The following GET1 variants were observed in gnomAD, a reference collection of about 807,000 sequenced individuals.
The protein encoded by GET1 is guided entry of tail-anchored proteins factor 1.
In GET1, 20 loss-of-function variants were observed where a neutral mutation model predicts 22.6. The ratio of observed to expected loss-of-function variants is 0.89; its 90% CI spans 0.62 to 1.29. GET1 has a LOEUF of 1.29. Among genes scored for constraint, GET1 ranks in the 50% most tolerant of loss-of-function variants. The probability of loss-of-function intolerance (pLI) is 0.00; values close to 1 mark genes in which losing one functional copy is unlikely to be tolerated. For missense variants in GET1, 209 were observed against 219.9 expected (o/e 0.95, Z 0.31); for synonymous variants, 92 against 83.8 (o/e 1.10, Z -0.53).
chr21:39,423,113 G>A, intron 1 of GET1: 1 of 1,613,776 alleles, frequency 6.2e-7, no homozygotes, highest in Non-Finnish European at 8.5e-7. Flanking sequence ...TTCAGTAACT[G>A]GCTGTCAGTT....
chr21:39,424,751 T>C (rs1446641300), intron 1 of GET1, among the ~76,000 whole-genome samples: 1 of 152,226 alleles, frequency 6.6e-6, no homozygotes, highest in Admixed American at 6.5e-5. Context: ...AGTTAATTTT[T>C]CCTGTTACTT....
chr21:39,401,175 AAGT>A (rs1302450264), downstream of GET1, among the ~76,000 whole-genome samples: 6 of 152,002 alleles, frequency 3.9e-5, no homozygotes, highest in Non-Finnish European at 8.8e-5. Context: ...TCAGCCTGCT[AAGT>A]AGGTGGGACA....
At chr21:39,424,505 A>G (rs919464585) in intron 1 of GET1, among the ~76,000 whole-genome samples, 3 of 152,178 alleles carry the variant, frequency 2.0e-5, no homozygotes, top group African/African-American at 7.2e-5. Context: ...CAACCCCATG[A>G]CAATAGCTGA....
At chr21:39,422,904 T>G in intron 1 of GET1, 1 of 1,372,822 alleles carries the variant, frequency 7.3e-7, no homozygotes, top group Admixed American at 2.0e-5. Context: ...AGGGGGCGCA[T>G]CCATGATTAA....
In GET1 at chr21:39,380,408, C is replaced by T. The variant is rs1373396390; in HGVS notation, c.24C>T (p.His8=). 1.2e-6 allele frequency: 2 copies of T among 1,611,338 alleles called. No homozygotes were observed. Among genetic ancestry groups the T allele is most frequent in the Non-Finnish European group, 1.7e-6 (2 of 1,178,710 alleles). MSSAAAD[H]WAWLLVLSFV... ...GGATGAGCTCAGCCGCGGCCGACCA[C>T]TGGGCGTGGTTGCTGGTGCTCAGCT... The change falls in exon 1 of 5, where the codon CAC becomes CAT. Residue 8 remains histidine (H), a synonymous_variant. Transcript: ENST00000649170.
intron 4 of GET1, among the ~76,000 whole-genome samples, chr21:39,396,660 TG>T (rs2038670506): frequency 7.8e-6 from 1 of 127,484 alleles, no homozygotes; most frequent in South Asian, 2.4e-4. Context: ...CACTCCAGCC[TG>T]GGGGACAGAG....
At chr21:39,405,024 G>C (rs2038970087) in intron 4 of GET1, among the ~76,000 whole-genome samples, 2 of 151,756 alleles carry the variant, frequency 1.3e-5, no homozygotes, top group African/African-American at 2.4e-5. Context: ...GTAGAGACAG[G>C]GTTTCACCAT....
intron 1 of GET1, among the ~76,000 whole-genome samples, chr21:39,420,083 A>G (rs1221253678): frequency 6.6e-6 from 1 of 152,246 alleles, no homozygotes; most frequent in Non-Finnish European, 1.5e-5. Context: ...AGGAATGCTA[A>G]CAAGAAGCCT....
At chr21:39,411,219 G>T, downstream of GET1, 1 of 250,150 alleles carries the variant, frequency 4.0e-6, no homozygotes, top group Non-Finnish European at 7.9e-6. Context: ...GTGAGGTAGG[G>T]GACTACTGAC....
At chr21:39,384,611 G>A (rs1014781904) in intron 1 of GET1, among the ~76,000 whole-genome samples, 2 of 150,744 alleles carry the variant, frequency 1.3e-5, no homozygotes, top group Non-Finnish European at 2.9e-5. Context: ...ACATGTGCGG[G>A]TTTGTTATAT....
chr21:39,397,917 T>A (rs930892833), downstream of GET1: 5 of 152,176 alleles, frequency 3.3e-5, no homozygotes, highest in African/African-American at 1.2e-4. Context: ...TTTGTACTCT[T>A]TTGTTTCCTA....
At position 39,393,625 on chromosome 21, in the gene GET1, G is replaced by A. The variant is rs569052526; in HGVS notation, c.451+345G>A. 4.9e-4 allele frequency among the ~76,000 whole-genome samples: 74 copies of A among 152,206 alleles called. No homozygotes were observed. In the Middle Eastern group the frequency reaches 0.01, roughly 21 times the overall value. ...CCCTATTATGGTTGGCTTCTCTGTA[G>A]CACTTGCTGCTCCTGGCTATTCTTT... On this transcript the variant is annotated intron_variant, in intron 4 of 4. Coordinates refer to ENST00000649170, the MANE Select transcript of GET1 (RefSeq NM_004627.6).
intron 1 of GET1, among the ~76,000 whole-genome samples, chr21:39,390,474 G>A (rs1366671974): frequency 1.3e-5 from 2 of 152,282 alleles, no homozygotes; most frequent in African/African-American, 2.4e-5. Context: ...GTTTGTAGGT[G>A]TTTCTCAGCA....
chr21:39,421,364 G>C (rs1481614738), intron 1 of GET1, among the ~76,000 whole-genome samples: 4 of 152,136 alleles, frequency 2.6e-5, no homozygotes, highest in East Asian at 1.9e-4. Context: ...CTGGTATTAC[G>C]GGCGAGAGGC....
Position 39,391,841 on chromosome 21 carries a change from G to A in GET1, c.336+5G>A. 1 of 1,614,130 alleles carries A rather than the reference G, an allele frequency of 6.2e-7. No individual in the cohort carries two copies. On this transcript the variant is annotated splice_donor_5th_base_variant and intron_variant, in intron 3 of 4. Transcript: ENST00000649170. ...GTCGCTTTCTACGTATTGCAGGTAA[G>A]TGTGCTAGAGCGTCAGCCGGGTCAT...
chr21:39,402,713 C>T (rs1300958295), downstream of GET1, among the ~76,000 whole-genome samples: 4 of 152,184 alleles, frequency 2.6e-5, no homozygotes, highest in African/African-American at 9.6e-5. Context: ...GGAGTACCTT[C>T]TCTCTCAGAG....
downstream of GET1, chr21:39,410,255 T>A (rs1442706667): frequency 6.4e-7 from 1 of 1,560,620 alleles, no homozygotes. Context: ...GATTCCAAAT[T>A]TGCTGTACCT....
chr21:39,415,929 C>T (rs566197931), intron 1 of GET1, among the ~76,000 whole-genome samples: 11 of 152,198 alleles, frequency 7.2e-5, no homozygotes, highest in South Asian at 6.2e-4. Context: ...GGTTTAGGTT[C>T]GGTTCGTTGG....
At chr21:39,393,710 G>A (rs1601631237) in intron 4 of GET1, among the ~76,000 whole-genome samples, 1 of 152,048 alleles carries the variant, frequency 6.6e-6, no homozygotes, top group South Asian at 2.1e-4. Flanking sequence ...TCAGTGGTGC[G>A]ATCTTGGCTC....
Sources: allele counts gnomAD v4.1 joint callset (sites outside exome capture counted in the v4.1 genomes callset), GRCh38; gene constraint gnomAD v4.1.1; transcripts MANE v1.5; gene names NCBI Gene and HGNC (gene_info 2026-07-23, HGNC 2026-07-21).